FGF12: variants seen among roughly 807,000 people sequenced by gnomAD.
FGF12 encodes the protein fibroblast growth factor 12B.
A neutral mutation model predicts 23.6 loss-of-function variants in FGF12; 14 were observed. The observed-to-expected ratio is 0.59, with a 90% CI of 0.39 to 0.93. The LOEUF (loss-of-function observed/expected upper bound fraction) is 0.93. Among genes scored for constraint, FGF12 ranks in the 40% least tolerant of loss-of-function variants. FGF12 has a pLI of 0.00. For synonymous variants in FGF12, 62 were observed against 77.3 expected (o/e 0.80, Z 1.04); for missense variants, 175 against 217.8 (o/e 0.80, Z 1.24).
chr3:192,303,597 A>G (rs935586913), intron 4 of FGF12, among the ~76,000 whole-genome samples: 7 of 152,220 alleles, frequency 4.6e-5, no homozygotes, highest in Admixed American at 3.9e-4. Flanking sequence ...TTTCAACAGC[A>G]TGATTGGAAT....
chr3:192,179,059 ACT>A (rs749249443), intron 4 of FGF12, among the ~76,000 whole-genome samples: 3 of 152,298 alleles, frequency 2.0e-5, no homozygotes, highest in Non-Finnish European at 4.4e-5. Flanking sequence ...TACTTTGCTA[ACT>A]CTGTTGTCAC....
At chr3:192,203,130 T>C (rs1410517114) in intron 4 of FGF12, among the ~76,000 whole-genome samples, 3 of 143,166 alleles carry the variant, frequency 2.1e-5, no homozygotes, top group Non-Finnish European at 4.5e-5. Flanking sequence ...AAGCATTAAA[T>C]ATTTGTGTGT....
chr3:192,476,490 ATGAAT>A (rs1357309071), intron 2 of FGF12, among the ~76,000 whole-genome samples: 1 of 152,224 alleles, frequency 6.6e-6, no homozygotes, highest in African/African-American at 2.4e-5. Context: ...TAATTAATGA[ATGAAT>A]TGATCAATGG....
intron 2 of FGF12, among the ~76,000 whole-genome samples, chr3:192,699,135 T>C (rs1419084231): frequency 2.0e-5 from 3 of 152,202 alleles, no homozygotes; most frequent in Admixed American, 2.0e-4. Flanking sequence ...TTTTTCCTTC[T>C]TATTCCTGGT....
chr3:192,630,226 C>T (rs1358028128), intron 2 of FGF12, among the ~76,000 whole-genome samples: 1 of 152,128 alleles, frequency 6.6e-6, no homozygotes, highest in Admixed American at 6.5e-5. Context: ...TGGGGCCTCC[C>T]CAGAAGCCAA....
chr3:192,399,437 C>T (rs1576949671), intron 2 of FGF12, among the ~76,000 whole-genome samples: 1 of 152,206 alleles, frequency 6.6e-6, no homozygotes, highest in Non-Finnish European at 1.5e-5. Context: ...GTGAAAAATA[C>T]ATTTCTGTTG....
chr3:192,413,475 A>G (rs1378992113), intron 2 of FGF12, among the ~76,000 whole-genome samples: 1 of 152,224 alleles, frequency 6.6e-6, no homozygotes, highest in Non-Finnish European at 1.5e-5. Flanking sequence ...GAAAGACTCA[A>G]AGAAGATGTG....
chr3:192,271,798 T>C (rs997961026), intron 4 of FGF12, among the ~76,000 whole-genome samples: 2 of 152,092 alleles, frequency 1.3e-5, no homozygotes, highest in Admixed American at 6.6e-5. Context: ...AGACATACAA[T>C]ATGTCCCAAG....
intron 5 of FGF12, among the ~76,000 whole-genome samples, chr3:192,156,542 G>T (rs1577182590): frequency 6.6e-6 from 1 of 152,048 alleles, no homozygotes; most frequent in African/African-American, 2.4e-5. Context: ...AAGATGCAAG[G>T]CCTGCAAGAT....
chr3:192,533,460 T>C (rs1465998744), intron 2 of FGF12, among the ~76,000 whole-genome samples: 1 of 152,188 alleles, frequency 6.6e-6, no homozygotes, highest in African/African-American at 2.4e-5. Context: ...CAGTAAAATC[T>C]ATAAATATTC....
chr3:192,161,654 T>G (rs1714891581), intron 5 of FGF12, among the ~76,000 whole-genome samples: 1 of 152,090 alleles, frequency 6.6e-6, no homozygotes, highest in Non-Finnish European at 1.5e-5. Context: ...AATGACATCT[T>G]TCTCGTGTTT....
At chr3:192,541,098 A>T (rs896478735) in intron 2 of FGF12, among the ~76,000 whole-genome samples, 1 of 152,006 alleles carries the variant, frequency 6.6e-6, no homozygotes, top group Non-Finnish European at 1.5e-5. Context: ...ATGTGCTTTG[A>T]TTGAAGAGTT....
At chr3:192,630,850 G>T (rs1367869845) in intron 2 of FGF12, among the ~76,000 whole-genome samples, 2 of 151,706 alleles carry the variant, frequency 1.3e-5, no homozygotes, top group African/African-American at 4.8e-5. Context: ...GAGCCACCGC[G>T]CCCGGCCCAC....
intron 5 of FGF12, among the ~76,000 whole-genome samples, chr3:192,146,473 G>A (rs1713726368): frequency 6.6e-6 from 1 of 151,980 alleles, no homozygotes; most frequent in Non-Finnish European, 1.5e-5. Flanking sequence ...GTTTCACCGT[G>A]TTAGCCAGGA....
At chr3:192,671,644 T>C (rs1717123852) in intron 2 of FGF12, among the ~76,000 whole-genome samples, 1 of 152,174 alleles carries the variant, frequency 6.6e-6, no homozygotes, top group Non-Finnish European at 1.5e-5. Context: ...TTTACACACT[T>C]TCTGTAAAGA....
intron 4 of FGF12, among the ~76,000 whole-genome samples, chr3:192,303,547 G>C (rs1340264612): frequency 6.6e-6 from 1 of 152,188 alleles, no homozygotes. Flanking sequence ...ATTACTAAGA[G>C]ACTGAAATTT....
rs140351317 is a variant in FGF12 at position 192,497,152 on chromosome 3, G to A, written c.14-136614C>T. Among the ~76,000 whole-genome samples the A allele has an allele frequency of 4.6e-3, 696 of 152,032 alleles. 4 individuals carry two copies. Among genetic ancestry groups the A allele is most frequent in the Non-Finnish European group, 7.2e-3 (490 of 67,976 alleles). On this transcript the variant is annotated intron_variant, in intron 2 of 5. Coordinates refer to ENST00000445105, the MANE Select transcript of FGF12 (RefSeq NM_004113.6). ...ACACTTTATTCCTCCGCCCTCTGCC[G>A]CCTCCACCCCACAACACAGATTTAC...
At chr3:192,474,897 A>AAAAG (rs35844695) in intron 2 of FGF12, among the ~76,000 whole-genome samples, 5,101 of 149,096 alleles carry the variant, frequency 0.034, 317 homozygotes, top group African/African-American at 0.12. Context: ...AAAAAAAAAA[A>AAAAG]AAAGAAAGAA....
intron 4 of FGF12, among the ~76,000 whole-genome samples, chr3:192,296,062 C>CTTTTTTTTTTT (rs34021285): frequency 6.4e-5 from 5 of 78,092 alleles, no homozygotes; most frequent in Non-Finnish European, 9.4e-5. Flanking sequence ...GTTTTTCTTT[C>CTTTTTTTTTTT]TTTTTTTTTT....
Sources: allele counts gnomAD v4.1 joint callset (sites outside exome capture counted in the v4.1 genomes callset), GRCh38; gene constraint gnomAD v4.1.1; transcripts MANE v1.5; gene names NCBI Gene and HGNC (gene_info 2026-07-23, HGNC 2026-07-21).